Variants in GABRB1 observed in about 807,000 individuals in gnomAD.
GABRB1 encodes gamma-aminobutyric acid type A receptor subunit beta1.
A neutral mutation model predicts 51.6 loss-of-function variants in GABRB1; 17 were observed. The observed-to-expected ratio is 0.33, with a 90% CI of 0.23 to 0.49. The LOEUF (loss-of-function observed/expected upper bound fraction) is 0.49. GABRB1 is among the 20% of genes least tolerant of loss of function. GABRB1 has a pLI of 0.99. For synonymous variants in GABRB1, 247 were observed against 218.9 expected (o/e 1.13, Z -1.14); for missense variants, 410 against 600.6 (o/e 0.68, Z 3.32).
At position 47,406,764 on chromosome 4, in the gene GABRB1, T is replaced by C; in HGVS notation, c.918T>C (p.Ile306=). The C allele has an allele frequency of 6.2e-7, 1 of 1,614,188 alleles. No individual in the cohort carries two copies. The highest frequency in any genetic ancestry group is 1.3e-5 in the African/African-American group (1 of 75,054). ...CAAAGATCCCTTATGTCAAAGCGAT[T>C]GATATTTATCTGATGGGTTGCTTTG... ...TLPKIPYVKA[I]DIYLMGCFVF... is the part of the protein sequence containing the mutation. Residue 306 remains isoleucine, a synonymous_variant, in exon 8 of 9, where the codon ATT becomes ATC. Transcript: ENST00000295454.
At chr4:47,290,290 G>A (rs1184237871) in intron 4 of GABRB1, among the ~76,000 whole-genome samples, 1 of 152,134 alleles carries the variant, frequency 6.6e-6, no homozygotes, top group Non-Finnish European at 1.5e-5. Flanking sequence ...ATTGTAAGAG[G>A]GAGTTTTCCT....
chr4:47,410,541 G>A (rs2110058877), intron 8 of GABRB1, among the ~76,000 whole-genome samples: 1 of 152,308 alleles, frequency 6.6e-6, no homozygotes, highest in Middle Eastern at 3.4e-3. Context: ...TGAAGAGTCA[G>A]ATCATGGAGT....
intron 8 of GABRB1, among the ~76,000 whole-genome samples, chr4:47,422,518 T>TC (rs1308665926): frequency 6.6e-6 from 1 of 152,080 alleles, no homozygotes; most frequent in African/African-American, 2.4e-5. Flanking sequence ...CCTTCTTCAT[T>TC]CCCCCTGTTC....
chr4:47,391,821 A>G (rs1241405139), intron 5 of GABRB1, among the ~76,000 whole-genome samples: 1 of 152,226 alleles, frequency 6.6e-6, no homozygotes, highest in Non-Finnish European at 1.5e-5. Flanking sequence ...AAACTTTACT[A>G]TAGACAGAAT....
At chr4:47,022,935 A>T (rs1001193448) in intron 1 of GABRB1, among the ~76,000 whole-genome samples, 3 of 152,134 alleles carry the variant, frequency 2.0e-5, no homozygotes, top group Admixed American at 1.3e-4. Context: ...GAGTCCATGA[A>T]CAGATGAATG....
chr4:47,090,734 G>A (rs1196506711), intron 3 of GABRB1, among the ~76,000 whole-genome samples: 2 of 152,188 alleles, frequency 1.3e-5, no homozygotes, highest in Admixed American at 6.5e-5. Context: ...TCAGAAAGGC[G>A]AGTGTCGATG....
intron 5 of GABRB1, among the ~76,000 whole-genome samples, chr4:47,383,691 A>T (rs973238023): frequency 1.2e-4 from 18 of 152,322 alleles, no homozygotes; most frequent in Admixed American, 1.0e-3. Flanking sequence ...AATAGCGGGC[A>T]TATGAGCTAC....
upstream of GABRB1, among the ~76,000 whole-genome samples, chr4:47,030,144 A>G (rs540850552): frequency 1.5e-4 from 23 of 152,250 alleles, no homozygotes; most frequent in African/African-American, 5.3e-4. Context: ...AGTCTTCCCA[A>G]TTACCCATAT....
At chr4:47,065,204 T>A (rs143144796) in intron 3 of GABRB1, among the ~76,000 whole-genome samples, 213 of 152,338 alleles carry the variant, frequency 1.4e-3, no homozygotes, top group African/African-American at 4.8e-3. Flanking sequence ...ACAAATGGCA[T>A]ATTAAAACCC....
At chr4:47,143,339 T>C (rs1233121012) in intron 3 of GABRB1, among the ~76,000 whole-genome samples, 2 of 151,908 alleles carry the variant, frequency 1.3e-5, no homozygotes, top group African/African-American at 4.8e-5. Context: ...GTGTCTTTAG[T>C]GGTGGCCTTC....
chr4:47,121,887 C>T (rs1419153064), intron 3 of GABRB1, among the ~76,000 whole-genome samples: 1 of 152,050 alleles, frequency 6.6e-6, no homozygotes, highest in Non-Finnish European at 1.5e-5. Context: ...TTTGAACATA[C>T]TTCAATGCAT....
intron 1 of GABRB1, among the ~76,000 whole-genome samples, chr4:47,019,637 T>TTC (rs1403950422): frequency 8.5e-6 from 1 of 117,344 alleles, no homozygotes; most frequent in Admixed American, 8.9e-5. Flanking sequence ...CTTTCTTTCT[T>TTC]TCTTTCTTTC....
At chr4:47,142,572 C>T (rs954639516) in intron 3 of GABRB1, among the ~76,000 whole-genome samples, 3 of 151,702 alleles carry the variant, frequency 2.0e-5, no homozygotes, top group East Asian at 1.9e-4. Context: ...TACTCCAACC[C>T]GATGTGAAAA....
chr4:47,015,338 G>C (rs1282846195), intron 1 of GABRB1, among the ~76,000 whole-genome samples: 2 of 152,140 alleles, frequency 1.3e-5, no homozygotes, highest in African/African-American at 4.8e-5. Context: ...TAATAGTGTT[G>C]AGTATTACTG....
chr4:47,166,907 C>G (rs1336087684), intron 4 of GABRB1, among the ~76,000 whole-genome samples: 3 of 152,080 alleles, frequency 2.0e-5, no homozygotes, highest in Non-Finnish European at 2.9e-5. Context: ...TCACAGTTTT[C>G]CTAACCAGAT....
chr4:47,153,084 A>G (rs1256150256), intron 3 of GABRB1, among the ~76,000 whole-genome samples: 2 of 152,034 alleles, frequency 1.3e-5, no homozygotes, highest in Admixed American at 1.3e-4. Context: ...AGAACTGAGA[A>G]GCCTGCAGAG....
chr4:47,035,165 A>C (rs544258193), intron 3 of GABRB1, among the ~76,000 whole-genome samples: 1 of 152,286 alleles, frequency 6.6e-6, no homozygotes, highest in East Asian at 1.9e-4. Context: ...ACTAGGTTCC[A>C]TTCATTTTTG....
chr4:47,146,885 T>C (rs1030905699), intron 3 of GABRB1, among the ~76,000 whole-genome samples: 1 of 152,022 alleles, frequency 6.6e-6, no homozygotes, highest in Non-Finnish European at 1.5e-5. Context: ...TGTGACAAAA[T>C]TGATAACTTT....
chr4:47,152,553 C>T (rs1717506585), intron 3 of GABRB1, among the ~76,000 whole-genome samples: 1 of 152,022 alleles, frequency 6.6e-6, no homozygotes, highest in Non-Finnish European at 1.5e-5. Flanking sequence ...CTAATCCATT[C>T]CCACAACTTC....
Sources: gnomAD v4.1 joint callset for allele counts (sites outside exome capture counted in the v4.1 genomes callset) on GRCh38, gnomAD v4.1.1 for gene constraint, MANE v1.5 for transcripts, NCBI Gene and HGNC (gene_info 2026-07-23, HGNC 2026-07-21) for gene names.